NTSR1: variants seen among roughly 807,000 people sequenced by gnomAD.
NTSR1 encodes neurotensin receptor 1, also known as neurotensin receptor type 1.
In NTSR1, 29 loss-of-function variants were observed where a neutral mutation model predicts 31.2. That is an observed-to-expected ratio of 0.93 (90% CI 0.69 to 1.27). The LOEUF (loss-of-function observed/expected upper bound fraction) is 1.27. Ranked by LOEUF, NTSR1 falls within the 50% of genes most tolerant of loss-of-function variation. The pLI is 0.00. For missense variants in NTSR1, 697 were observed against 595.4 expected (o/e 1.17, Z -1.78); for synonymous variants, 282 against 269.9 (o/e 1.04, Z -0.44).
intron 3 of NTSR1, among the ~76,000 whole-genome samples, chr20:62,759,304 T>G (rs1190849604): frequency 6.6e-6 from 1 of 152,064 alleles, no homozygotes; most frequent in Non-Finnish European, 1.5e-5. Context: ...GGCAACAAGC[T>G]GAGGGCAAGG....
intron 2 of NTSR1, among the ~76,000 whole-genome samples, chr20:62,756,191 C>T (rs567366258): frequency 6.6e-6 from 1 of 152,230 alleles, no homozygotes; most frequent in East Asian, 1.9e-4. Flanking sequence ...AAAAATACCA[C>T]CACCACCACC....
rs1039556898 is a variant in NTSR1 at position 62,760,446 on chromosome 20, C to A, written c.*179C>A. 3 of 579,842 alleles carry A rather than the reference C, an allele frequency of 5.2e-6. No individual in the cohort carries two copies. Among genetic ancestry groups the A allele is most frequent in the Middle Eastern group, 4.7e-4 (1 of 2,150 alleles). 35.9% of individuals were successfully genotyped at this position (579,842 alleles called of 1,614,324 possible). A position where few individuals can be genotyped will look rare whatever the true frequency, so the allele number is the denominator to read the frequency against. Reference sequence around the variant, plus strand: ...TAACCCATGTTTCTCATTAGTGTCTCCCGGGCCTGTCCCCAACTCCTCCCC... The same window carrying A: ...TAACCCATGTTTCTCATTAGTGTCTACCGGGCCTGTCCCCAACTCCTCCCC... On this transcript the variant is annotated 3_prime_UTR_variant, in exon 4 of 4. Coordinates refer to ENST00000370501, the MANE Select transcript of NTSR1 (RefSeq NM_002531.3).
rs904339020 is a variant in NTSR1 at position 62,754,292 on chromosome 20, C to T, written c.715-393C>T. ...GACGGGCCTTGGGGTGGGGCAGCCA[C>T]GTGCTTGTGGGCCTCAGCCATGCAC... On this transcript the variant is annotated intron_variant, in intron 1 of 3. Transcript: ENST00000370501. 3.9e-5 allele frequency among the ~76,000 whole-genome samples: 6 copies of T among 152,178 alleles called. 1 individual carries two copies. The highest frequency in any genetic ancestry group is 4.8e-5 in the African/African-American group (2 of 41,440).
intron 1 of NTSR1, among the ~76,000 whole-genome samples, chr20:62,750,280 A>C (rs1600733650): frequency 6.6e-6 from 1 of 152,308 alleles, no homozygotes; most frequent in East Asian, 1.9e-4. Flanking sequence ...CAGAGCACTG[A>C]GTGCTGGGGG....
At chr20:62,735,480 C>T (rs1264205694) in intron 1 of NTSR1, 1 of 152,248 alleles carries the variant, frequency 6.6e-6, no homozygotes, top group Admixed American at 6.5e-5. Flanking sequence ...TGCCACTATA[C>T]AACAAAGAGC....
intron 1 of NTSR1, among the ~76,000 whole-genome samples, chr20:62,717,755 A>T (rs993366377): frequency 6.6e-6 from 1 of 152,168 alleles, no homozygotes; most frequent in African/African-American, 2.4e-5. Flanking sequence ...TTCACTCATC[A>T]TTCATTCACT....
intron 1 of NTSR1, among the ~76,000 whole-genome samples, chr20:62,716,382 C>T (rs138548150): frequency 1.3e-5 from 2 of 152,224 alleles, no homozygotes; most frequent in African/African-American, 2.4e-5. Context: ...TTCTGGACAA[C>T]GCTGAGCCGT....
At chr20:62,729,223 C>A (rs1346761148) in intron 1 of NTSR1, among the ~76,000 whole-genome samples, 4 of 152,348 alleles carry the variant, frequency 2.6e-5, no homozygotes, top group African/African-American at 9.6e-5. Context: ...AAAGCCACTC[C>A]TCCCAACTTG....
intron 1 of NTSR1, among the ~76,000 whole-genome samples, chr20:62,728,716 A>G (rs1988952938): frequency 6.6e-6 from 1 of 152,154 alleles, no homozygotes; most frequent in Admixed American, 6.5e-5. Flanking sequence ...AGGGCAGGCC[A>G]ACACCCGGAG....
At position 62,744,047 on chromosome 20, in the gene NTSR1, C is replaced by T. The variant is rs899866625; in HGVS notation, c.715-10638C>T. Among the ~76,000 whole-genome samples the T allele has an allele frequency of 3.3e-5, 5 of 152,174 alleles. No individual in the cohort carries two copies. Among genetic ancestry groups the T allele is most frequent in the Admixed American group, 6.5e-5 (1 of 15,286 alleles). On this transcript the variant is annotated intron_variant, in intron 1 of 3. Coordinates refer to ENST00000370501, the MANE Select transcript of NTSR1 (RefSeq NM_002531.3). This position sits in a 1 kb window ranked among gnomAD's most constrained non-coding sequence, Gnocchi z 4.1. ...ATTATCTAACCTTTCACTCCACCTC[C>T]GTCCTCCCCATCAAAATTACACATG...
rs532936877 is a variant in NTSR1 at position 62,744,692 on chromosome 20, A to C, written c.715-9993A>C. On this transcript the variant is annotated intron_variant, in intron 1 of 3. Coordinates refer to ENST00000370501, the MANE Select transcript of NTSR1 (RefSeq NM_002531.3). The surrounding 1 kb of genome is among the most constrained non-coding windows in gnomAD (Gnocchi z 4.1). ...TGATAAGCAGAAATCGCGCCACTGC[A>C]CTCCAGCCTGGGCAACAAGAGCAAA... is the stretch of plus-strand genomic sequence containing the variant. Among the ~76,000 whole-genome samples the C allele has an allele frequency of 1.3e-5, 2 of 152,122 alleles. No homozygotes were observed. Among genetic ancestry groups the C allele is most frequent in the South Asian group, 4.2e-4 (2 of 4,814 alleles).
chr20:62,720,844 T>C (rs998001401), intron 1 of NTSR1, among the ~76,000 whole-genome samples: 1 of 152,218 alleles, frequency 6.6e-6, no homozygotes, highest in Non-Finnish European at 1.5e-5. Context: ...TGTATTCTAA[T>C]TTAGATCAAA....
rs148655501 is a variant in NTSR1 at position 62,717,254 on chromosome 20, C to T, written c.714+7333C>T. On this transcript the variant is annotated intron_variant, in intron 1 of 3. Transcript: ENST00000370501. The stretch of plus-strand genomic sequence containing the variant: ...CCCAGCATGCTGACCCACCCGAAGC[C>T]ACCCGTGCCTACTTTGGGATTTTAC... 6.8e-3 allele frequency among the ~76,000 whole-genome samples: 1,030 copies of T among 152,362 alleles called. 7 individuals are homozygous for T. The highest frequency in any genetic ancestry group is 0.024 in the African/African-American group (980 of 41,580).
At chr20:62,713,956 T>C (rs1988665605) in intron 1 of NTSR1, among the ~76,000 whole-genome samples, 1 of 152,250 alleles carries the variant, frequency 6.6e-6, no homozygotes, top group South Asian at 2.1e-4. Context: ...AAAAATTAGC[T>C]GGGCGTCGTG....
chr20:62,719,732 C>T lies in NTSR1; in HGVS notation c.714+9811C>T, dbSNP rs146255603. On this transcript the variant is annotated intron_variant, in intron 1 of 3. Transcript: ENST00000370501. The stretch of plus-strand genomic sequence containing the variant: ...CACATTCCTGGGATAGACCTCATTT[C>T]GTCGTGTATTAGCTGGTTTTGACTT... Among the ~76,000 whole-genome samples the T allele has an allele frequency of 2.4e-3, 358 of 152,324 alleles. 1 individual carries two copies. Among genetic ancestry groups the T allele is most frequent in the Non-Finnish European group, 3.5e-3 (237 of 68,036 alleles).
At chr20:62,749,330 A>G (rs1322132126) in intron 1 of NTSR1, among the ~76,000 whole-genome samples, 2 of 152,088 alleles carry the variant, frequency 1.3e-5, no homozygotes. Flanking sequence ...AGTCCCAGCT[A>G]CTCGAGAGCC....
intron 1 of NTSR1, among the ~76,000 whole-genome samples, chr20:62,753,719 T>C (rs1006132366): frequency 6.6e-6 from 1 of 152,232 alleles, no homozygotes; most frequent in African/African-American, 2.4e-5. Flanking sequence ...TTTAAAGCCA[T>C]TGATGGCTGT....
Position 62,741,646 on chromosome 20 carries a change from C to G in NTSR1, c.715-13039C>G, listed in dbSNP as rs568448819. Among the ~76,000 whole-genome samples, 5 of 149,848 alleles carry G rather than the reference C, an allele frequency of 3.3e-5. No individual in the cohort carries two copies. In the South Asian group the frequency reaches 1.1e-3, roughly 31 times the overall value. ...TTCTCTTGAGCCTTTCCCAGAAATT[C>G]CAAACCAGAAGAAAAGTGCAGGGAA... On this transcript the variant is annotated intron_variant, in intron 1 of 3. Transcript: ENST00000370501. This position sits in a 1 kb window ranked among gnomAD's most constrained non-coding sequence, Gnocchi z 4.3.
At chr20:62,718,109 G>GGAGGGAGCA (rs1988765992) in intron 1 of NTSR1, among the ~76,000 whole-genome samples, 1 of 152,218 alleles carries the variant, frequency 6.6e-6, no homozygotes, top group African/African-American at 2.4e-5. Context: ...TGGCCGGAGC[G>GGAGGGAGCA]GAGGGAGCAG....
Sources: allele counts gnomAD v4.1 joint callset (sites outside exome capture counted in the v4.1 genomes callset), GRCh38; gene constraint gnomAD v4.1.1; non-coding constraint Gnocchi (gnomAD v3.1); transcripts MANE v1.5; gene names NCBI Gene and HGNC (gene_info 2026-07-23, HGNC 2026-07-21).